Variants in CDH15 observed in about 807,000 individuals in gnomAD.
The protein encoded by CDH15 is cadherin-15.
A neutral mutation model predicts 69.4 loss-of-function variants in CDH15; 73 were observed. The observed-to-expected ratio is 1.05, with a 90% CI of 0.87 to 1.28. CDH15 has a LOEUF of 1.28. Among genes scored for constraint, CDH15 ranks in the 50% most tolerant of loss-of-function variants. The probability of loss-of-function intolerance (pLI) is 0.00; values close to 1 mark genes in which losing one functional copy is unlikely to be tolerated. For missense variants in CDH15, 1,343 were observed against 1,133.6 expected (o/e 1.18, Z -2.65); for synonymous variants, 624 against 507.7 (o/e 1.23, Z -3.08).
intron 7 of CDH15, 145 bp from the exon 8 acceptor site, chr16:89,190,098 T>G: frequency 6.0e-6 from 5 of 840,106 alleles, no homozygotes; most frequent in Non-Finnish European, 9.6e-6. Flanking sequence ...TTGTCCTGCA[T>G]AATTTGTTTT....
intron 2 of CDH15, among the ~76,000 whole-genome samples, chr16:89,179,946 C>A (rs1263538003): frequency 6.6e-6 from 1 of 152,236 alleles, no homozygotes; most frequent in Non-Finnish European, 1.5e-5. Context: ...CCCAAAATCG[C>A]CCCAGAGACC....
rs769804850 is a variant in CDH15, at chr16:89,193,603, C to T, written c.1989C>T (p.Asp663=). Reference sequence around the variant, plus strand: ...ATGAGCAAGGAGGCGGGGAGGAGGACCAGGTGAGGGGGCAGGTGTGGGTGG... The same window carrying T: ...ATGAGCAAGGAGGCGGGGAGGAGGATCAGGTGAGGGGGCAGGTGTGGGTGG... ...NYDEQGGGEE[D]QDAYDISQLR... Residue 663 remains aspartate (D), a synonymous_variant, in exon 12 of 14, where the codon GAC becomes GAT. Coordinates refer to ENST00000289746, the MANE Select transcript of CDH15 (RefSeq NM_004933.3). 12 of 1,595,802 alleles carry T rather than the reference C, an allele frequency of 7.5e-6. No homozygotes were observed. Among genetic ancestry groups the T allele is most frequent in the Middle Eastern group, 1.7e-4 (1 of 6,014 alleles).
At position 89,194,901 on chromosome 16, in the gene CDH15, T is replaced by G; in HGVS notation, c.2191T>G (p.Tyr731Asp). The G allele has an allele frequency of 1.2e-6, 2 of 1,607,644 alleles. No homozygotes were observed. Among genetic ancestry groups the G allele is most frequent in the Non-Finnish European group, 1.7e-6 (2 of 1,177,250 alleles). ...AADSDPSVPP[Y>D]DTALIYDYEG... Reference sequence around the variant, plus strand: ...AGATAGTGACCCCAGTGTGCCGCCTTACGACACAGCCCTCATCTATGACTA... The same window carrying G: ...AGATAGTGACCCCAGTGTGCCGCCTGACGACACAGCCCTCATCTATGACTA... The change falls in exon 14 of 14, where the codon TAC (tyrosine) becomes GAC (aspartate). Residue 731 changes from tyrosine (Y) to aspartate (D), a missense_variant. Physicochemically the swap from Tyr to Asp is radical, Grantham distance 160. Transcript: ENST00000289746.
At chr16:89,189,361 ACACACAGATGCTGGCG>A (rs1217924509) in intron 7 of CDH15, among the ~76,000 whole-genome samples, 12 of 150,588 alleles carry the variant, frequency 8.0e-5, no homozygotes, top group Non-Finnish European at 1.8e-4. Context: ...AGATGCCGGC[ACACACAGATGCTGGCG>A]CACACAGATG....
chr16:89,193,661 C>T, intron 12 of CDH15, 55 bp downstream of exon 12: 1 of 1,567,080 alleles, frequency 6.4e-7, no homozygotes, highest in Non-Finnish European at 8.6e-7. Context: ...GGTCGCGGGC[C>T]TTCTTACAAC....
At chr16:89,179,756 C>G (rs529418375) in intron 2 of CDH15, among the ~76,000 whole-genome samples, 182 bp downstream of exon 2, 1 of 152,240 alleles carries the variant, frequency 6.6e-6, no homozygotes, top group Non-Finnish European at 1.5e-5. Context: ...AGGGCTCAAA[C>G]CCTCCCCATT....
At chr16:89,189,382 C>G (rs1460104308) in intron 7 of CDH15, among the ~76,000 whole-genome samples, 1 of 151,758 alleles carries the variant, frequency 6.6e-6, no homozygotes, top group Non-Finnish European at 1.5e-5. Context: ...CTGGCGCACA[C>G]AGATGCCCAC....
chr16:89,173,529 C>T (rs898390039), intron 1 of CDH15, among the ~76,000 whole-genome samples: 3 of 152,132 alleles, frequency 2.0e-5, no homozygotes, highest in Admixed American at 6.5e-5. Context: ...AGGTGGGGGC[C>T]AGATGGCAAG....
At chr16:89,193,732 C>A in intron 12 of CDH15, 23 bp from the exon 13 acceptor site, 1 of 1,599,082 alleles carries the variant, frequency 6.3e-7, no homozygotes, top group Non-Finnish European at 8.5e-7. Context: ...ATGCCTGGCT[C>A]TGTTCCACCT....
Position 89,194,978 on chromosome 16 carries a change from G to C in CDH15, c.2268G>C (p.Gln756His), listed in dbSNP as rs987891981. The C allele has an allele frequency of 1.9e-6, 3 of 1,611,176 alleles. No individual in the cohort carries two copies. The African/African-American group carries it at 4.0e-5, about 22-fold the overall frequency. The change falls in exon 14 of 14, where the codon CAG becomes CAC. Residue 756 changes from glutamine (Q) to histidine (H), a missense_variant. Coordinates refer to ENST00000289746, the MANE Select transcript of CDH15 (RefSeq NM_004933.3). ...CGCTGAGCTCCATCCTGTCCAGCCA[G>C]GGCGATGAGGACCAGGACTACGACT... ...AGTLSSILSS[Q>H]GDEDQDYDYL...
At chr16:89,172,716 C>T (rs766971660) in intron 1 of CDH15, among the ~76,000 whole-genome samples, 1 of 152,164 alleles carries the variant, frequency 6.6e-6, no homozygotes, top group Non-Finnish European at 1.5e-5. Flanking sequence ...CCTAGGGGGA[C>T]CTAGACATGG....
chr16:89,188,801 C>T (rs1915560303), intron 7 of CDH15, among the ~76,000 whole-genome samples: 1 of 146,576 alleles, frequency 6.8e-6, no homozygotes, highest in Non-Finnish European at 1.5e-5. Context: ...CACAGGTGCC[C>T]ACACACATGC....
Position 89,191,370 on chromosome 16 carries a change from G to A in CDH15, c.1273G>A (p.Asp425Asn), listed in dbSNP as rs762540936. 2.5e-6 allele frequency: 4 copies of A among 1,612,392 alleles called. No individual in the cohort carries two copies. The highest frequency in any genetic ancestry group is 1.1e-5 in the South Asian group (1 of 91,090). The change falls in exon 9 of 14, where the codon GAC becomes AAC. Residue 425 changes from aspartate to asparagine, a missense_variant. Coordinates refer to ENST00000289746, the MANE Select transcript of CDH15 (RefSeq NM_004933.3). ...CGACCCGGAAGACTGGCTGCAAGTG[G>A]ACGCAGCCACTGGCCGGATCCAGAC... ...DYDPEDWLQVDAATGRIQTQH... is the reference protein window; with the variant it reads ...DYDPEDWLQVNAATGRIQTQH...
chr16:89,194,140 A>T (rs948407481), intron 13 of CDH15, among the ~76,000 whole-genome samples: 4 of 152,230 alleles, frequency 2.6e-5, no homozygotes, highest in Non-Finnish European at 4.4e-5. Flanking sequence ...GTCTTTGCAC[A>T]GATGGAGTGG....
intron 1 of CDH15, among the ~76,000 whole-genome samples, chr16:89,177,727 G>A (rs1026592063): frequency 6.6e-6 from 1 of 152,202 alleles, no homozygotes; most frequent in African/African-American, 2.4e-5. Flanking sequence ...GCATCAGCCT[G>A]ACCGGGGAGC....
intron 3 of CDH15, 88 bp from the exon 4 acceptor site, chr16:89,183,460 T>A (rs1915418876): frequency 1.2e-5 from 18 of 1,483,422 alleles, no homozygotes; most frequent in Non-Finnish European, 1.4e-5. Context: ...AGACAAAGTC[T>A]GAACGTGCTG....
intron 3 of CDH15, among the ~76,000 whole-genome samples, chr16:89,181,582 C>A (rs745955652): frequency 6.6e-6 from 1 of 151,518 alleles, no homozygotes; most frequent in Non-Finnish European, 1.5e-5. Context: ...CACTGCCGTG[C>A]GCCGTGATTG....
intron 4 of CDH15, 79 bp from the exon 5 acceptor site, chr16:89,185,094 G>A (rs1485037133): frequency 1.4e-6 from 2 of 1,393,190 alleles, no homozygotes; most frequent in Non-Finnish European, 2.0e-6. Flanking sequence ...TGCACACGAG[G>A]TGCCCCCACG....
At chr16:89,188,578 GCACACACAGATGCC>G (rs1915551351) in intron 7 of CDH15, among the ~76,000 whole-genome samples, 1 of 83,608 alleles carries the variant, frequency 1.2e-5, no homozygotes, top group South Asian at 4.1e-4. Flanking sequence ...ACACATGCCG[GCACACACAGATGCC>G]CACACACAGA....
Sources: allele counts gnomAD v4.1 joint callset (sites outside exome capture counted in the v4.1 genomes callset), GRCh38; gene constraint gnomAD v4.1.1; transcripts MANE v1.5; gene names NCBI Gene and HGNC (gene_info 2026-07-23, HGNC 2026-07-21).